The following DGKZ variants were observed in gnomAD, a reference collection of about 807,000 sequenced individuals.
DGKZ encodes DAG kinase zeta.
DGKZ carries 45 observed loss-of-function variants against 142.5 expected under a neutral mutation model. The ratio of observed to expected loss-of-function variants is 0.32; its 90% CI spans 0.25 to 0.40. DGKZ has a LOEUF of 0.40. Ranked by LOEUF, DGKZ falls within the 10% of genes least tolerant of loss-of-function variation. DGKZ has a pLI of 1.00. For missense variants in DGKZ, 755 were observed against 1,306.5 expected (o/e 0.58, Z 6.51); for synonymous variants, 442 against 527.0 (o/e 0.84, Z 2.21).
At position 46,372,936 on chromosome 11, in the gene DGKZ, G is replaced by T; in HGVS notation, c.1186-25G>T. The T allele has an allele frequency of 6.4e-7, 1 of 1,553,690 alleles. No individual in the cohort carries two copies. Among genetic ancestry groups the T allele is most frequent in the Non-Finnish European group, 8.7e-7 (1 of 1,148,190 alleles). ...GCTGGGGCCTCTCCAGCCACAGAGG[G>T]CTCAGTCCCTGCCTGCTCCCCCAGG... On this transcript the variant is annotated intron_variant, in intron 13 of 30. Coordinates refer to ENST00000527911, the Ensembl canonical transcript of DGKZ. The surrounding 1 kb of genome is among the most constrained non-coding windows in gnomAD (Gnocchi z 5.9).
At chr11:46,333,531 C>A in intron 1 of DGKZ, 1 of 1,513,564 alleles carries the variant, frequency 6.6e-7, no homozygotes, top group Non-Finnish European at 8.9e-7. Flanking sequence ...CTTGGGACCA[C>A]CCCTCTTGCA....
intron 1 of DGKZ, chr11:46,366,347 G>A (rs1385517850): frequency 6.5e-7 from 1 of 1,540,538 alleles, no homozygotes; most frequent in African/African-American, 1.4e-5. Flanking sequence ...GCTGCCCACA[G>A]GCAAGGCCCG....
upstream of DGKZ, among the ~76,000 whole-genome samples, chr11:46,344,517 G>A (rs537694886): frequency 6.7e-6 from 1 of 148,440 alleles, no homozygotes; most frequent in Non-Finnish European, 1.5e-5. Flanking sequence ...GCAGTGGCGC[G>A]AACTCGGCTC....
rs540159774 is a variant in DGKZ at position 46,372,755 on chromosome 11, GTTC to G, written c.1072-12_1072-10del. ...GTCCCTGTGGGCCTGATTTGCCTCTGTTCTTCCTCCCCCAGGTGGGCTGGATCC... is the reference window on the plus strand; with the variant it reads ...GTCCCTGTGGGCCTGATTTGCCTCTGTTCCTCCCCCAGGTGGGCTGGATCC... On this transcript the variant is annotated splice_polypyrimidine_tract_variant and intron_variant, in intron 12 of 30. Transcript: ENST00000527911. The surrounding 1 kb of genome is among the most constrained non-coding windows in gnomAD (Gnocchi z 5.9). 1.7e-4 allele frequency: 270 copies of G among 1,608,810 alleles called. 4 individuals are homozygous for G. The South Asian group carries it at 2.8e-3, about 17-fold the overall frequency.
chr11:46,377,400 G>T, intron 25 of DGKZ, 188 bp downstream of exon 25: 2 of 1,143,864 alleles, frequency 1.7e-6, no homozygotes, highest in Non-Finnish European at 2.4e-6. Flanking sequence ...CGTCCACCCT[G>T]GTTCCCTCCC....
chr11:46,379,781 G>A, intron 30 of DGKZ, 50 bp from the exon 31 acceptor site: 1 of 1,541,436 alleles, frequency 6.5e-7, no homozygotes, highest in South Asian at 1.2e-5. Flanking sequence ...GCCTGCTAGG[G>A]GTTAGGCCTG....
chr11:46,371,225 C>G, intron 6 of DGKZ, 88 bp from the exon 7 acceptor site: 1 of 1,334,760 alleles, frequency 7.5e-7, no homozygotes, highest in Non-Finnish European at 1.1e-6. Flanking sequence ...GGCCCTGTCT[C>G]TGGGTGGAGA....
chr11:46,347,311 G>GC, upstream of DGKZ: 2 of 984,992 alleles, frequency 2.0e-6, no homozygotes, highest in Non-Finnish European at 2.4e-6. This position sits in a 1 kb window ranked among gnomAD's most constrained non-coding sequence, Gnocchi z 6.4. Flanking sequence ...TCGTCGCCCC[G>GC]CCCCTCGGAC....
rs377041756 is a variant in DGKZ at position 46,378,444 on chromosome 11, G to A, written c.2375-13G>A. 10 of 1,591,272 alleles carry A rather than the reference G, an allele frequency of 6.3e-6. No homozygotes were observed. The highest frequency in any genetic ancestry group is 2.2e-5 in the East Asian group (1 of 44,562). ...CCTCCGACTGCAGAGTAACAGGCAG[G>A]TATTCCGTGCAGGTGAAGAGCTGAT... On this transcript the variant is annotated splice_polypyrimidine_tract_variant and intron_variant, in intron 26 of 30. Transcript: ENST00000527911.
intron 1 of DGKZ, chr11:46,365,051 A>G (rs1943095412): frequency 1.0e-6 from 1 of 985,424 alleles, no homozygotes; most frequent in Non-Finnish European, 1.2e-6. Flanking sequence ...TAGGAGAGGT[A>G]GGGCACAGGA....
intron 1 of DGKZ, among the ~76,000 whole-genome samples, chr11:46,364,025 G>A (rs1942982007): frequency 6.6e-6 from 1 of 152,216 alleles, no homozygotes; most frequent in African/African-American, 2.4e-5. Flanking sequence ...GCTGTGGTGA[G>A]GATTACACGA....
intron 29 of DGKZ, 25 bp downstream of exon 29, chr11:46,379,261 C>T (rs1324139606): frequency 5.6e-6 from 9 of 1,612,834 alleles, no homozygotes; most frequent in Admixed American, 3.3e-5. Context: ...AGTGCAGAAC[C>T]GTGGTCACCC....
intron 25 of DGKZ, chr11:46,377,565 C>T: frequency 3.1e-6 from 1 of 327,632 alleles, no homozygotes; most frequent in Non-Finnish European, 5.6e-6. Context: ...CATTCGTGCC[C>T]TCGAACCCCC....
intron 1 of DGKZ, among the ~76,000 whole-genome samples, chr11:46,341,892 C>T (rs1210130713): frequency 6.6e-6 from 1 of 152,120 alleles, no homozygotes; most frequent in Non-Finnish European, 1.5e-5. Flanking sequence ...AAAATCTCTG[C>T]AGGGAAAGCC....
At chr11:46,378,582 C>T in intron 27 of DGKZ, 82 bp downstream of exon 27, 6 of 1,571,198 alleles carry the variant, frequency 3.8e-6, no homozygotes, top group Non-Finnish European at 5.2e-6. Flanking sequence ...GGGCCAAGAG[C>T]TGACCTGCTC....
rs756905416 is a variant in DGKZ at position 46,376,161 on chromosome 11, T to C, written c.2091+16T>C. On this transcript the variant is annotated intron_variant, in intron 22 of 30. Coordinates refer to ENST00000527911, the Ensembl canonical transcript of DGKZ. ...ACTCCAGCAGGTAAGGGGTGGGGGC[T>C]TCCCCAGGTGCCCACCGAGAGGGTG... 1.2e-6 allele frequency: 2 copies of C among 1,601,514 alleles called. No individual in the cohort carries two copies.
rs755996746 is a variant in DGKZ at position 46,366,935 on chromosome 11, G to C, written c.162-356G>C. On this transcript the variant is annotated intron_variant, in intron 1 of 30. Coordinates refer to ENST00000527911, the Ensembl canonical transcript of DGKZ. ...CCCACTGTCCCGCAGGCGCCAGGTA[G>C]CCCTACGGCGCAAGGCGGCCGGACC... 56 of 1,541,110 alleles carry C rather than the reference G, an allele frequency of 3.6e-5. No individual in the cohort carries two copies. The highest frequency in any genetic ancestry group is 4.9e-5 in the Non-Finnish European group (56 of 1,150,504).
Position 46,367,715 on chromosome 11 carries a change from G to A in DGKZ, c.334G>A (p.Val112Ile), listed in dbSNP as rs780468339. 3.0e-5 allele frequency: 48 copies of A among 1,612,694 alleles called. No individual in the cohort carries two copies. The highest frequency in any genetic ancestry group is 2.2e-5 in the South Asian group (2 of 91,060). The change falls in exon 3 of 31, where the codon GTT becomes ATT. Residue 112 changes from valine to isoleucine, a missense_variant. Transcript: ENST00000527911. The surrounding 1 kb of genome is among the most constrained non-coding windows in gnomAD (Gnocchi z 4.1). ...CAACGTGTCCGGGGACTTCTGCTAC[G>A]TTGGGGAGCAGTACTGTGTAGCCAG...
intron 26 of DGKZ, 91 bp downstream of exon 26, chr11:46,378,320 C>T: frequency 6.5e-7 from 1 of 1,544,060 alleles, no homozygotes; most frequent in Non-Finnish European, 8.8e-7. Flanking sequence ...CACAGCCTTA[C>T]ACAAACACAG....
Sources: gnomAD v4.1 joint callset for allele counts (sites outside exome capture counted in the v4.1 genomes callset) on GRCh38, gnomAD v4.1.1 for gene constraint, Gnocchi (gnomAD v3.1) non-coding constraint, MANE v1.5 for transcripts, NCBI Gene and HGNC (gene_info 2026-07-23, HGNC 2026-07-21) for gene names.